Variants in TMLHE observed in about 807,000 individuals in gnomAD.
TMLHE encodes trimethyllysine dioxygenase, mitochondrial.
Under a neutral mutation model 25.7 loss-of-function variants are expected in TMLHE, and 18 were observed. The ratio of observed to expected loss-of-function variants is 0.70; its 90% CI spans 0.48 to 1.04. The LOEUF is 1.04. Among genes scored for constraint, TMLHE ranks in the 50% least tolerant of loss-of-function variants. The probability of loss-of-function intolerance (pLI) is 0.00; values close to 1 mark genes in which losing one functional copy is unlikely to be tolerated. For missense variants in TMLHE, 236 were observed against 259.0 expected, an observed-to-expected ratio of 0.91 and a Z score of 0.61; for synonymous variants, 105 against 97.0, an observed-to-expected ratio of 1.08 and a Z score of -0.49.
chrX:155,548,692 G>A lies in TMLHE; in HGVS notation c.-1-3415C>T, dbSNP rs781828989. Among the ~76,000 whole-genome samples the A allele has an allele frequency of 3.6e-4, 39 of 107,232 alleles. 1 individual carries two copies. Among genetic ancestry groups the A allele is most frequent in the East Asian group, 5.8e-4 (2 of 3,427 alleles). 93.1% of individuals were successfully genotyped at this position (107,232 alleles called of 115,157 possible). A position where few individuals can be genotyped will look rare whatever the true frequency, so the allele number is the denominator to read the frequency against. On this transcript the variant is annotated intron_variant, in intron 1 of 7. Coordinates refer to ENST00000334398, the MANE Select transcript of TMLHE (RefSeq NM_018196.4). ...AAAGGTTGCAGTGAGCTGAGATTGT[G>A]CCACTGCACTCCAGCCTGGGCGACA... is the stretch of plus-strand genomic sequence containing the variant.
At chrX:155,557,365 C>G (rs1047222205) in intron 1 of TMLHE, among the ~76,000 whole-genome samples, 6 of 112,047 alleles carry the variant, frequency 5.4e-5, no homozygotes, top group African/African-American at 1.6e-4. Context: ...TGGCTTCAGC[C>G]GGTCCCTCCG....
intron 5 of TMLHE, 30 bp from the exon 6 acceptor site, chrX:155,507,164 C>A: frequency 9.9e-7 from 1 of 1,012,712 alleles, no homozygotes; most frequent in South Asian, 2.0e-5. Context: ...TTCTTCTGTT[C>A]AGTGGAAGAG....
chrX:155,583,027 C>T (rs1187882433), intron 1 of TMLHE, among the ~76,000 whole-genome samples: 2 of 111,431 alleles, frequency 1.8e-5, no homozygotes, highest in Non-Finnish European at 3.8e-5. Context: ...TTGTAGGGAC[C>T]TGGATGAAGC....
chrX:155,541,892 GTTT>G (rs1191898716), intron 2 of TMLHE, among the ~76,000 whole-genome samples: 5 of 105,242 alleles, frequency 4.8e-5, no homozygotes, highest in African/African-American at 1.4e-4. Context: ...TGATGGGGTT[GTTT>G]TTTTTTTCAT....
At position 155,565,965 on chromosome X, in the gene TMLHE, C is replaced by T. The variant is rs868969347; in HGVS notation, c.-1-20688G>A. Among the ~76,000 whole-genome samples the T allele has an allele frequency of 1.1e-4, 7 of 61,639 alleles. 1 individual carries two copies. The highest frequency in any genetic ancestry group is 9.6e-4 in the South Asian group (1 of 1,039). The allele number at this position is 61,639 out of a possible 115,157, so 53.5% of individuals were successfully genotyped here. A position where few individuals can be genotyped will look rare whatever the true frequency, so the allele number is the denominator to read the frequency against. On this transcript the variant is annotated intron_variant, in intron 1 of 7. Coordinates refer to ENST00000334398, the MANE Select transcript of TMLHE (RefSeq NM_018196.4). ...TGCATAGATGTTGTGGGATAAGATA[C>T]GGTATAAATGAAGAGCCCCCTAAAT...
At chrX:155,542,657 A>C (rs2067319646) in intron 2 of TMLHE, among the ~76,000 whole-genome samples, 1 of 111,709 alleles carries the variant, frequency 9.0e-6, no homozygotes, top group Non-Finnish European at 1.9e-5. Flanking sequence ...ATGTATGAAA[A>C]AGTCTTTATC....
chrX:155,608,416 G>C (rs1211992806), intron 1 of TMLHE, among the ~76,000 whole-genome samples: 1 of 111,550 alleles, frequency 9.0e-6, no homozygotes, highest in Non-Finnish European at 1.9e-5. Flanking sequence ...ACCCAAAATG[G>C]ATTAGACTTA....
At chrX:155,508,522 A>C (rs1194264369) in intron 5 of TMLHE, among the ~76,000 whole-genome samples, 1 of 111,109 alleles carries the variant, frequency 9.0e-6, no homozygotes, top group Non-Finnish European at 1.9e-5. Context: ...GGTCGTTTGG[A>C]GAGATCATTT....
intron 5 of TMLHE, among the ~76,000 whole-genome samples, chrX:155,507,526 CAA>C (rs2067083361): frequency 9.3e-6 from 1 of 107,928 alleles, no homozygotes; most frequent in South Asian, 4.0e-4. Context: ...GGGTCATAAA[CAA>C]AGGAATGATC....
At chrX:155,552,093 A>G (rs1386139564) in intron 1 of TMLHE, among the ~76,000 whole-genome samples, 2 of 110,092 alleles carry the variant, frequency 1.8e-5, no homozygotes, top group Non-Finnish European at 3.8e-5. Flanking sequence ...ACCAAACTAC[A>G]ATAGGGTATA....
At position 155,579,155 on chromosome X, in the gene TMLHE, A is replaced by G. The variant is rs58672423; in HGVS notation, c.-2+33637T>C. On this transcript the variant is annotated intron_variant, in intron 1 of 7. Transcript: ENST00000334398. Reference sequence around the variant, plus strand: ...ATACTCATGGGTCAAAAGAATCAATATTGTTAAAATGACCATACTGCTCAA... The same window carrying G: ...ATACTCATGGGTCAAAAGAATCAATGTTGTTAAAATGACCATACTGCTCAA... Among the ~76,000 whole-genome samples, 867 of 106,377 alleles carry G rather than the reference A, an allele frequency of 8.2e-3. 15 individuals are homozygous for G. Among genetic ancestry groups the G allele is most frequent in the African/African-American group, 0.028 (819 of 29,689 alleles). The allele number at this position is 106,377 out of a possible 115,157, so 92.4% of individuals were successfully genotyped here.
At chrX:155,610,212 AATGAAGT>A (rs2067810665) in intron 1 of TMLHE, among the ~76,000 whole-genome samples, 1 of 112,448 alleles carries the variant, frequency 8.9e-6, no homozygotes, top group South Asian at 3.6e-4. Flanking sequence ...TATAAAAAGG[AATGAAGT>A]ATTTATATAT....
rs7058836 is a variant in TMLHE, at chrX:155,557,895, A to G, written c.-1-12618T>C. On this transcript the variant is annotated intron_variant, in intron 1 of 7. Coordinates refer to ENST00000334398, the MANE Select transcript of TMLHE (RefSeq NM_018196.4). ...ATGATTCTCAAACTTCACCCACCGT[A>G]GTGTATCTCTACTTGCCAACATGCC... is the stretch of plus-strand genomic sequence containing the variant. Among the ~76,000 whole-genome samples the G allele has an allele frequency of 4.6e-3, 516 of 111,524 alleles. 2 individuals are homozygous for G. Among genetic ancestry groups the G allele is most frequent in the African/African-American group, 0.015 (476 of 30,824 alleles).
chrX:155,583,872 T>C (rs782264766), intron 1 of TMLHE, among the ~76,000 whole-genome samples: 1 of 111,288 alleles, frequency 9.0e-6, no homozygotes, highest in South Asian at 3.7e-4. Context: ...ATTCAGGTGA[T>C]GGTTACCCTA....
chrX:155,569,136 T>C (rs1557342668), intron 1 of TMLHE, among the ~76,000 whole-genome samples: 1 of 57,201 alleles, frequency 1.7e-5, no homozygotes, highest in African/African-American at 4.2e-5. Flanking sequence ...AGAGAAGTGC[T>C]TAAAGGAGCT....
rs149352309 is a variant in TMLHE at position 155,558,870 on chromosome X, T to C, written c.-1-13593A>G. Among the ~76,000 whole-genome samples the C allele has an allele frequency of 7.0e-3, 788 of 112,072 alleles. 6 individuals are homozygous for C. The highest frequency in any genetic ancestry group is 0.024 in the African/African-American group (749 of 30,952). The stretch of plus-strand genomic sequence containing the variant: ...TCATTCATTCATTTAAGATATGTAA[T>C]TATGTCTGCCATATTTCCATAAACT... On this transcript the variant is annotated intron_variant, in intron 1 of 7. Transcript: ENST00000334398.
chrX:155,545,370 A>G, intron 1 of TMLHE, 93 bp from the exon 2 acceptor site: 1 of 728,832 alleles, frequency 1.4e-6, no homozygotes, highest in Non-Finnish European at 1.9e-6. Flanking sequence ...ATGTAAAATG[A>G]TAGATTTAAT....
intron 1 of TMLHE, among the ~76,000 whole-genome samples, chrX:155,552,130 C>T (rs1263603020): frequency 9.1e-6 from 1 of 109,764 alleles, no homozygotes; most frequent in Non-Finnish European, 1.9e-5. Context: ...TCACTGTTTA[C>T]AATTTTCTAA....
intron 3 of TMLHE, among the ~76,000 whole-genome samples, chrX:155,515,238 A>T (rs1198089147): frequency 9.1e-6 from 1 of 110,473 alleles, no homozygotes; most frequent in African/African-American, 3.3e-5. Flanking sequence ...TATATATATA[A>T]AATTTGGGAC....
Sources: allele counts gnomAD v4.1 joint callset (sites outside exome capture counted in the v4.1 genomes callset), GRCh38; gene constraint gnomAD v4.1.1; transcripts MANE v1.5; gene names NCBI Gene and HGNC (gene_info 2026-07-23, HGNC 2026-07-21).